The following BCAS4 variants were observed in gnomAD, a reference collection of about 807,000 sequenced individuals.
BCAS4 encodes the protein breast carcinoma amplified sequence 4.
Under a neutral mutation model 15.7 loss-of-function variants are expected in BCAS4, and 9 were observed. The observed-to-expected ratio is 0.57, with a 90% CI of 0.34 to 1.00. The LOEUF is 1.00. BCAS4 is among the 50% of genes least tolerant of loss of function. The pLI, the probability that BCAS4 is intolerant of heterozygous loss-of-function variation, is 0.02. For synonymous variants in BCAS4, 101 were observed against 99.5 expected (o/e 1.02, Z -0.09); for missense variants, 225 against 239.1 (o/e 0.94, Z 0.39).
At chr20:50,846,229 TATA>T (rs2088542233) in intron 4 of BCAS4, among the ~76,000 whole-genome samples, 1 of 152,260 alleles carries the variant, frequency 6.6e-6, no homozygotes, top group South Asian at 2.1e-4. Context: ...TATTGATCGT[TATA>T]ACATTGTGAG....
chr20:50,827,752 G>T (rs1474179901), intron 2 of BCAS4, among the ~76,000 whole-genome samples: 3 of 152,100 alleles, frequency 2.0e-5, no homozygotes, highest in African/African-American at 4.8e-5. Flanking sequence ...TTAGAGACAG[G>T]GTCTTGCACT....
At chr20:50,837,061 T>C (rs2123800421) in intron 3 of BCAS4, among the ~76,000 whole-genome samples, 1 of 152,210 alleles carries the variant, frequency 6.6e-6, no homozygotes, top group Admixed American at 6.5e-5. Context: ...TATGAGTGCT[T>C]TACACATAAG....
intron 1 of BCAS4, among the ~76,000 whole-genome samples, chr20:50,806,616 TG>T (rs1452780695): frequency 3.9e-5 from 6 of 152,196 alleles, no homozygotes; most frequent in Non-Finnish European, 1.5e-5. Flanking sequence ...TTCTCCTCCA[TG>T]TGGCCTCTCA....
At chr20:50,816,528 C>T (rs1369205269) in intron 1 of BCAS4, among the ~76,000 whole-genome samples, 1 of 152,128 alleles carries the variant, frequency 6.6e-6, no homozygotes, top group Admixed American at 6.6e-5. Flanking sequence ...CTGGCAGCTC[C>T]GGGCCTGCAT....
intron 3 of BCAS4, among the ~76,000 whole-genome samples, chr20:50,837,018 A>G (rs1054472105): frequency 8.5e-5 from 13 of 152,192 alleles, no homozygotes; most frequent in African/African-American, 3.1e-4. Flanking sequence ...AACAAAAACT[A>G]GTACTTTTGA....
At chr20:50,818,810 A>G (rs575805838) in intron 2 of BCAS4, among the ~76,000 whole-genome samples, 2 of 152,178 alleles carry the variant, frequency 1.3e-5, no homozygotes, top group East Asian at 1.9e-4. Flanking sequence ...GGTTGGCCCA[A>G]ATCTACTAGC....
chr20:50,818,391 T>C, intron 2 of BCAS4, 109 bp downstream of exon 2: 1 of 1,057,388 alleles, frequency 9.5e-7, no homozygotes, highest in Non-Finnish European at 1.4e-6. Context: ...CCAGGAGGAA[T>C]GGGGCAGCGG....
the BCAS4 span, chr20:50,882,184 TAAA>T: frequency 9.3e-6 from 1 of 107,854 alleles, no homozygotes; most frequent in African/African-American, 3.4e-5. Context: ...CCCAATCTCT[TAAA>T]AAAAAAAGGG....
chr20:50,849,175 T>C (rs1013807266), intron 4 of BCAS4, among the ~76,000 whole-genome samples: 3 of 152,262 alleles, frequency 2.0e-5, no homozygotes, highest in African/African-American at 7.2e-5. Context: ...AACCACTGTT[T>C]GTTTTCTGCC....
chr20:50,819,803 C>T (rs1036818105), intron 2 of BCAS4, among the ~76,000 whole-genome samples: 1 of 118,304 alleles, frequency 8.5e-6, no homozygotes, highest in Non-Finnish European at 1.8e-5. Flanking sequence ...TCTGTCTTTC[C>T]GTCTTTCTGT....
intron 4 of BCAS4, among the ~76,000 whole-genome samples, chr20:50,855,733 G>A (rs2123828354): frequency 6.6e-6 from 1 of 152,284 alleles, no homozygotes; most frequent in East Asian, 1.9e-4. Context: ...GCCCACAGGA[G>A]GGCCCCCCAG....
intron 4 of BCAS4, 66 bp from the exon 5 acceptor site, chr20:50,876,420 G>A: frequency 1.3e-6 from 2 of 1,584,660 alleles, no homozygotes; most frequent in Non-Finnish European, 1.7e-6. Flanking sequence ...TGTAGACCGG[G>A]AATTCCTGGG....
At chr20:50,811,202 G>A (rs1051499033) in intron 1 of BCAS4, among the ~76,000 whole-genome samples, 3 of 151,854 alleles carry the variant, frequency 2.0e-5, no homozygotes, top group African/African-American at 7.3e-5. Flanking sequence ...AGATGAGGGA[G>A]GACTCAAAAA....
intron 1 of BCAS4, among the ~76,000 whole-genome samples, chr20:50,796,239 C>T (rs1052519493): frequency 1.3e-5 from 2 of 148,658 alleles, no homozygotes; most frequent in South Asian, 2.2e-4. Flanking sequence ...AAAAATTAGC[C>T]GGGTGTGTAA....
At chr20:50,828,339 G>C (rs1226785908) in intron 2 of BCAS4, among the ~76,000 whole-genome samples, 2 of 151,994 alleles carry the variant, frequency 1.3e-5, no homozygotes, top group African/African-American at 2.4e-5. Flanking sequence ...GGGCAATGGG[G>C]CAAAGGTCTC....
intron 4 of BCAS4, chr20:50,846,669 A>C (rs1334968818): frequency 7.9e-6 from 1 of 127,382 alleles, no homozygotes; most frequent in Non-Finnish European, 1.5e-5. Flanking sequence ...GCTGGAGTGC[A>C]GTGGTGCAAT....
At chr20:50,813,466 C>T (rs952007434) in intron 1 of BCAS4, among the ~76,000 whole-genome samples, 1 of 152,100 alleles carries the variant, frequency 6.6e-6, no homozygotes, top group East Asian at 1.9e-4. Flanking sequence ...GTGACTTGCG[C>T]CATGGTGCTT....
At chr20:50,855,425 T>C (rs553940908) in intron 4 of BCAS4, among the ~76,000 whole-genome samples, 2 of 152,288 alleles carry the variant, frequency 1.3e-5, no homozygotes, top group East Asian at 3.9e-4. Flanking sequence ...CTCTGTCCCA[T>C]GTCTCTCTGT....
chr20:50,835,491 G>A (rs1010283605), intron 3 of BCAS4, among the ~76,000 whole-genome samples: 9 of 151,974 alleles, frequency 5.9e-5, no homozygotes, highest in East Asian at 1.9e-4. Flanking sequence ...TGATCCACCC[G>A]CCTCGGCCTC....
Sources: gnomAD v4.1 joint callset for allele counts (sites outside exome capture counted in the v4.1 genomes callset) on GRCh38, gnomAD v4.1.1 for gene constraint, MANE v1.5 for transcripts, NCBI Gene and HGNC (gene_info 2026-07-23, HGNC 2026-07-21) for gene names.